The following IL17RB variants were observed in gnomAD, a reference collection of about 807,000 sequenced individuals.
The protein encoded by IL17RB is interleukin-17 receptor B.
A neutral mutation model predicts 43.9 loss-of-function variants in IL17RB; 36 were observed. That is an observed-to-expected ratio of 0.82 (90% CI 0.63 to 1.08). The LOEUF (loss-of-function observed/expected upper bound fraction) is 1.08. Ranked by LOEUF, IL17RB falls within the 50% of genes least tolerant of loss-of-function variation. IL17RB has a pLI of 0.00. For synonymous variants in IL17RB, 225 were observed against 225.4 expected (o/e 1.00, Z 0.02); for missense variants, 613 against 613.6 (o/e 1.00, Z 0.01).
rs770694682 is a variant in IL17RB, at chr3:53,865,220, C to T, written c.1421C>T (p.Ala474Val). 6.2e-7 allele frequency: 1 copy of T among 1,613,896 alleles called. No homozygotes were observed. The highest frequency in any genetic ancestry group is 8.5e-7 in the Non-Finnish European group (1 of 1,180,022). Residue 474 changes from alanine (A) to valine (V), a missense_variant, in exon 11 of 11, where the codon GCT (alanine) becomes GTT (valine). Ala to Val is a moderately conservative substitution (Grantham distance 64). Transcript: ENST00000288167. ...TACCACCTCATGAAGGATGCCACTG[C>T]TTTCTGTGCAGAACTTCTCCATGTC... is the stretch of plus-strand genomic sequence containing the variant. ...PKYHLMKDATAFCAELLHVKQ... is the reference protein window; with the variant it reads ...PKYHLMKDATVFCAELLHVKQ...
At chr3:53,857,034 G>A (rs746284165) in intron 7 of IL17RB, 48 bp downstream of exon 7, 4 of 1,595,934 alleles carry the variant, frequency 2.5e-6, no homozygotes, top group South Asian at 1.1e-5. Flanking sequence ...GCTTTCCTTA[G>A]TGTGTTGAAG....
intron 9 of IL17RB, 128 bp from the exon 10 acceptor site, chr3:53,860,000 ACT>A (rs1352066419): frequency 9.2e-6 from 6 of 652,848 alleles, no homozygotes; most frequent in South Asian, 6.9e-5. Flanking sequence ...ACAAAGCGAG[ACT>A]CTGTCTCAAA....
In IL17RB at chr3:53,852,138, TTTG is replaced by T; in HGVS notation, c.354+15_354+17del. On this transcript the variant is annotated intron_variant, in intron 4 of 10. Coordinates refer to ENST00000288167, the MANE Select transcript of IL17RB (RefSeq NM_018725.4). ...CCTCTGGTGGTAAAGTAAGCACTTT[TTTG>T]TTTTTTGTTTTGTTTTTTGAGATAG... 6 of 1,613,436 alleles carry T rather than the reference TTTG, an allele frequency of 3.7e-6. No individual in the cohort carries two copies. The highest frequency in any genetic ancestry group is 4.2e-6 in the Non-Finnish European group (5 of 1,179,606).
chr3:53,847,475 G>C (rs1421270588), intron 1 of IL17RB, among the ~76,000 whole-genome samples: 3 of 135,200 alleles, frequency 2.2e-5, no homozygotes, highest in Non-Finnish European at 4.8e-5. Context: ...TGGTATGATG[G>C]CTCATTTGTT....
intron 10 of IL17RB, among the ~76,000 whole-genome samples, chr3:53,862,875 AATT>A (rs1172133255): frequency 6.6e-6 from 1 of 152,192 alleles, no homozygotes. Flanking sequence ...AAAAGCCAGA[AATT>A]ATGATGTCTT....
At chr3:53,858,339 C>A in intron 8 of IL17RB, 1 of 1,022,724 alleles carries the variant, frequency 9.8e-7, no homozygotes, top group Non-Finnish European at 1.2e-6. Context: ...ATAGACTTCC[C>A]TTACTACAGG....
intron 8 of IL17RB, chr3:53,858,426 T>C: frequency 8.7e-7 from 1 of 1,153,942 alleles, no homozygotes; most frequent in Non-Finnish European, 1.1e-6. Flanking sequence ...AGGAAATGTT[T>C]GTCTACGTGG....
chr3:53,858,879 C>A (rs1206802438), intron 9 of IL17RB, 61 bp downstream of exon 9: 6 of 1,313,114 alleles, frequency 4.6e-6, no homozygotes, highest in South Asian at 2.4e-5. Context: ...CACTGCCCCC[C>A]ACTCAGTATG....
At chr3:53,850,428 C>T (rs546485993) in intron 3 of IL17RB, among the ~76,000 whole-genome samples, 11 of 147,974 alleles carry the variant, frequency 7.4e-5, no homozygotes, top group Admixed American at 1.4e-4. Context: ...ACCCAGGAGG[C>T]GGAGCTTGCA....
intron 9 of IL17RB, 104 bp downstream of exon 9, chr3:53,858,922 G>C (rs979029003): frequency 2.2e-5 from 19 of 857,420 alleles, no homozygotes; most frequent in Middle Eastern, 3.3e-4. Context: ...GCAGTGCAAG[G>C]GGTCGCTGCC....
rs775793478 is a variant in IL17RB, at chr3:53,852,945, T to C, written c.429T>C (p.Asn143=). 2.5e-6 allele frequency: 4 copies of C among 1,613,856 alleles called. No individual in the cohort carries two copies. In the South Asian group the frequency reaches 3.3e-5, roughly 13 times the overall value. Residue 143 remains asparagine (N), a synonymous_variant, in exon 5 of 11, where the codon AAT becomes AAC. Coordinates refer to ENST00000288167, the MANE Select transcript of IL17RB (RefSeq NM_018725.4). The part of the protein sequence containing the change: ...VYFIGAHNIP[N]ANMNEDGPSM... Reference sequence around the variant, plus strand: ...TCATTGGGGCCCATAATATTCCTAATGCAAATATGAATGAAGATGGCCCTT... The same window carrying C: ...TCATTGGGGCCCATAATATTCCTAACGCAAATATGAATGAAGATGGCCCTT...
intron 8 of IL17RB, 166 bp from the exon 9 acceptor site, chr3:53,858,553 T>TAAA (rs1699436268): frequency 7.0e-7 from 1 of 1,437,848 alleles, no homozygotes; most frequent in Non-Finnish European, 9.1e-7. Flanking sequence ...TGGTTTTGAC[T>TAAA]TTAGGGCTTT....
chr3:53,860,265 G>T (rs767969880), intron 10 of IL17RB, 37 bp downstream of exon 10: 7 of 1,520,994 alleles, frequency 4.6e-6, no homozygotes, highest in Non-Finnish European at 6.3e-6. Flanking sequence ...TCCTAGTAAG[G>T]AAATAACATT....
rs757233449 is a variant in IL17RB at position 53,846,604 on chromosome 3, C to T, written c.16C>T (p.Leu6=). ...TGGCCCGGCGATGTCGCTCGTGCTG[C>T]TAAGCCTGGCCGCGCTGTGCAGGAG... MSLVL[L]SLAALCRSAV... Residue 6 remains leucine (L), a synonymous_variant, in exon 1 of 11, where the codon CTA becomes TTA. Transcript: ENST00000288167. 6.3e-7 allele frequency: 1 copy of T among 1,590,456 alleles called. No homozygotes were observed. The highest frequency in any genetic ancestry group is 2.3e-5 in the East Asian group (1 of 43,032).
rs752842028 is a variant in IL17RB, at chr3:53,865,157, C to A, written c.1358C>A (p.Thr453Lys). 6 of 1,614,076 alleles carry A rather than the reference C, an allele frequency of 3.7e-6. No individual in the cohort carries two copies. The highest frequency in any genetic ancestry group is 1.3e-5 in the African/African-American group (1 of 74,918). The change falls in exon 11 of 11, where the codon ACA (threonine) becomes AAA (lysine). Residue 453 changes from threonine (T) to lysine (K), a missense_variant. Thr to Lys is a moderately conservative substitution (Grantham distance 78). Transcript: ENST00000288167. ...YVVVYFREID[T>K]KDDYNALSVC... ...GTGGTCTACTTTAGAGAGATTGATACAAAAGACGATTACAATGCTCTCAGT... is the reference window on the plus strand; with the variant it reads ...GTGGTCTACTTTAGAGAGATTGATAAAAAAGACGATTACAATGCTCTCAGT...
intron 10 of IL17RB, among the ~76,000 whole-genome samples, chr3:53,862,387 A>G (rs1383943205): frequency 6.6e-6 from 1 of 152,220 alleles, no homozygotes; most frequent in African/African-American, 2.4e-5. Context: ...ACATCACTGA[A>G]GATGCCATCA....
Position 53,858,703 on chromosome 3 carries a change from T to C in IL17RB, c.748-16T>C. 1 of 1,613,206 alleles carries C rather than the reference T, an allele frequency of 6.2e-7. No individual in the cohort carries two copies. The highest frequency in any genetic ancestry group is 8.5e-7 in the Non-Finnish European group (1 of 1,179,344). ...ATGCATGGTGTGAACTTTCTGAGCC[T>C]CTTGTTTTTCCTCAGCTGACTCCAT... is the stretch of plus-strand genomic sequence containing the variant. On this transcript the variant is annotated splice_polypyrimidine_tract_variant and intron_variant, in intron 8 of 10. Coordinates refer to ENST00000288167, the MANE Select transcript of IL17RB (RefSeq NM_018725.4).
Position 53,846,794 on chromosome 3 carries a change from G to T in IL17RB, c.60+146G>T. ...ATGCCTGCACCCTCAGGGCAGCCCCGGACATCGGCGTCAGGTTGCTTGAGT... is the reference window on the plus strand; with the variant it reads ...ATGCCTGCACCCTCAGGGCAGCCCCTGACATCGGCGTCAGGTTGCTTGAGT... On this transcript the variant is annotated intron_variant, in intron 1 of 10. Coordinates refer to ENST00000288167, the MANE Select transcript of IL17RB (RefSeq NM_018725.4). 3.7e-6 allele frequency: 3 copies of T among 802,700 alleles called. No homozygotes were observed. In the South Asian group the frequency reaches 5.6e-5, roughly 15 times the overall value. The allele number at this position is 802,700 out of a possible 1,614,324, so 49.7% of individuals were successfully genotyped here.
rs1231854366 is a variant in IL17RB, at chr3:53,860,016, A to G, written c.848-114A>G. ...CAAAGCGAGACTCTGTCTCAAAACTAAAAAATAATAAAAAATAAATAAACC... is the reference window on the plus strand; with the variant it reads ...CAAAGCGAGACTCTGTCTCAAAACTGAAAAATAATAAAAAATAAATAAACC... On this transcript the variant is annotated intron_variant, in intron 9 of 10. Coordinates refer to ENST00000288167, the MANE Select transcript of IL17RB (RefSeq NM_018725.4). 4.0e-6 allele frequency: 3 copies of G among 759,038 alleles called. No homozygotes were observed. The African/African-American group carries it at 5.3e-5, about 13-fold the overall frequency. The allele number at this position is 759,038 out of a possible 1,614,324, so 47.0% of individuals were successfully genotyped here.
Sources: gnomAD v4.1 joint callset for allele counts (sites outside exome capture counted in the v4.1 genomes callset) on GRCh38, gnomAD v4.1.1 for gene constraint, MANE v1.5 for transcripts, NCBI Gene and HGNC (gene_info 2026-07-23, HGNC 2026-07-21) for gene names.